The following FHL1 variants were observed in gnomAD, a reference collection of about 807,000 sequenced individuals.
FHL1 encodes the protein four and a half LIM domains 1, also known as four and a half LIM domains protein 1.
FHL1 carries 1 observed loss-of-function variant against 20.3 expected under a neutral mutation model. The observed-to-expected ratio is 0.05, with a 90% CI of 0.02 to 0.23. The LOEUF (loss-of-function observed/expected upper bound fraction) is 0.23. Ranked by LOEUF, FHL1 falls within the 10% of genes least tolerant of loss-of-function variation. The pLI is 1.00. For synonymous variants in FHL1, 82 were observed against 88.9 expected (o/e 0.92, Z 0.44); for missense variants, 177 against 234.0 (o/e 0.76, Z 1.59).
In FHL1 at chrX:136,179,436, T is replaced by C. The variant is rs185470400; in HGVS notation, c.-27+9456T>C. Among the ~76,000 whole-genome samples, 23 of 112,009 alleles carry C rather than the reference T, an allele frequency of 2.1e-4. No homozygotes were observed. The East Asian group carries it at 6.2e-3, about 30-fold the overall frequency. Reference sequence around the variant, plus strand: ...GATCTTGACCTGACTTTTGGTCCTCTCGTGGGTGTTTTCCATTTTCCTTAC... The same window carrying C: ...GATCTTGACCTGACTTTTGGTCCTCCCGTGGGTGTTTTCCATTTTCCTTAC... On this transcript the variant is annotated intron_variant, in intron 2 of 6. Coordinates refer to the FHL1 transcript ENST00000394153.
chrX:136,176,532 CG>C (rs1023817022), intron 2 of FHL1, among the ~76,000 whole-genome samples: 3 of 111,548 alleles, frequency 2.7e-5, no homozygotes, highest in African/African-American at 9.8e-5. Flanking sequence ...TCAAGGGGAA[CG>C]GAGAGCACAT....
intron 1 of FHL1, among the ~76,000 whole-genome samples, chrX:136,199,467 C>T (rs2073646800): frequency 8.9e-6 from 1 of 112,393 alleles, no homozygotes; most frequent in African/African-American, 3.2e-5. Flanking sequence ...ACTTTTCAGC[C>T]GTGACTCATG....
chrX:136,208,927 C>T (rs1295625726), intron 5 of FHL1, among the ~76,000 whole-genome samples: 1 of 5,157 alleles, frequency 1.9e-4, no homozygotes, highest in Admixed American at 2.2e-3. Flanking sequence ...CAGGGGGATT[C>T]TGGGGGGAGG....
chrX:136,164,329 C>T (rs1303916317), intron 1 of FHL1, among the ~76,000 whole-genome samples: 1 of 108,888 alleles, frequency 9.2e-6, no homozygotes, highest in Non-Finnish European at 1.9e-5. Context: ...GTCTCGGCCT[C>T]CCAAGTAGCT....
At chrX:136,183,611 C>T (rs184439456) in intron 2 of FHL1, among the ~76,000 whole-genome samples, 1 of 112,142 alleles carries the variant, frequency 8.9e-6, no homozygotes, top group East Asian at 2.8e-4. Flanking sequence ...AAAAAGTTTT[C>T]GTGTATGAAT....
intron 1 of FHL1, among the ~76,000 whole-genome samples, chrX:136,155,831 A>G (rs1366143976): frequency 1.3e-4 from 14 of 110,823 alleles, no homozygotes; most frequent in African/African-American, 4.6e-4. Flanking sequence ...AAAAACAATC[A>G]AAATAATAAG....
At position 136,183,189 on chromosome X, in the gene FHL1, T is replaced by C. The variant is rs192917005; in HGVS notation, c.-27+13209T>C. Among the ~76,000 whole-genome samples, 19 of 110,510 alleles carry C rather than the reference T, an allele frequency of 1.7e-4. No individual in the cohort carries two copies. In the East Asian group the frequency reaches 4.2e-3, roughly 25 times the overall value. On this transcript the variant is annotated intron_variant, in intron 2 of 6. Transcript: ENST00000394153. ...TGGGGGATGTGGGTGGGAAACCTGG[T>C]GATTAGATATATTTAAACGTGTCAT...
At chrX:136,205,871 G>T (rs1264469800) in intron 1 of FHL1, among the ~76,000 whole-genome samples, 4 of 111,318 alleles carry the variant, frequency 3.6e-5, no homozygotes, top group Non-Finnish European at 7.5e-5. Context: ...AACGTGGTGG[G>T]CTTAGAGAAG....
At chrX:136,148,525 C>G (rs903022151) in intron 1 of FHL1, 3 of 110,487 alleles carry the variant, frequency 2.7e-5, no homozygotes, top group African/African-American at 9.9e-5. Flanking sequence ...TGACCTCTCC[C>G]GCCTCGAAAA....
At chrX:136,159,552 A>G in intron 1 of FHL1, among the ~76,000 whole-genome samples, 1 of 111,638 alleles carries the variant, frequency 9.0e-6, no homozygotes, top group Non-Finnish European at 1.9e-5. Flanking sequence ...AAATAAATAC[A>G]TAAATAAATA....
chrX:136,157,934 T>C (rs1416422821), intron 1 of FHL1, among the ~76,000 whole-genome samples: 1 of 109,539 alleles, frequency 9.1e-6, no homozygotes, highest in East Asian at 2.8e-4. Flanking sequence ...TGTATGTTCT[T>C]CTCAAGTAGT....
Position 136,181,149 on chromosome X carries a change from G to C in FHL1, c.-27+11169G>C, listed in dbSNP as rs1392185044. The stretch of plus-strand genomic sequence containing the variant: ...AAGTCGGGGTAGTATTTCTATGTGG[G>C]AATAAAGACAAAAGGTCCACAGCAG... On this transcript the variant is annotated intron_variant, in intron 2 of 6. Coordinates refer to the FHL1 transcript ENST00000394153. Among the ~76,000 whole-genome samples the C allele has an allele frequency of 2.7e-5, 3 of 112,458 alleles. 1 individual carries two copies. The highest frequency in any genetic ancestry group is 5.6e-5 in the Non-Finnish European group (3 of 53,307).
intron 1 of FHL1, among the ~76,000 whole-genome samples, chrX:136,162,175 C>T (rs765202342): frequency 3.1e-4 from 33 of 106,057 alleles, no homozygotes; most frequent in Middle Eastern, 5.2e-3. Context: ...AAAGAACGCC[C>T]ATTCTAATTG....
At chrX:136,147,468 A>ACGCCTCCCC (rs2072128070), upstream of FHL1, 1 of 87,569 alleles carries the variant, frequency 1.1e-5, no homozygotes, top group African/African-American at 4.5e-5. Context: ...CCCGCCTCCC[A>ACGCCTCCCC]GGCGCGCACC....
chrX:136,180,480 C>T (rs1451369615), intron 2 of FHL1, among the ~76,000 whole-genome samples: 1 of 111,686 alleles, frequency 9.0e-6, no homozygotes, highest in Non-Finnish European at 1.9e-5. Context: ...GTTCATATGA[C>T]CTAAAGGTCA....
intron 1 of FHL1, among the ~76,000 whole-genome samples, chrX:136,157,741 C>G (rs1277986122): frequency 9.0e-6 from 1 of 111,400 alleles, no homozygotes; most frequent in Non-Finnish European, 1.9e-5. Flanking sequence ...ATATTTATGT[C>G]CAAAATGCAA....
intron 1 of FHL1, among the ~76,000 whole-genome samples, chrX:136,164,268 G>A (rs1265143663): frequency 9.4e-6 from 1 of 106,947 alleles, no homozygotes; most frequent in Non-Finnish European, 1.9e-5. Flanking sequence ...GTACAGTGGT[G>A]CAATCTCGGC....
intron 2 of FHL1, among the ~76,000 whole-genome samples, chrX:136,191,909 AG>A (rs753751686): frequency 2.9e-4 from 33 of 112,102 alleles, no homozygotes; most frequent in Non-Finnish European, 5.8e-4. Flanking sequence ...TGTTCATAAA[AG>A]GTGGGCTTGG....
In FHL1 at chrX:136,177,013, T is replaced by TACACACACACACACACACACACAC. The variant is rs10527786; in HGVS notation, c.-27+7043_-27+7066dup. Among the ~76,000 whole-genome samples the TACACACACACACACACACACACAC allele has an allele frequency of 2.3e-3, 203 of 88,672 alleles. 1 individual carries two copies. Among genetic ancestry groups the TACACACACACACACACACACACAC allele is most frequent in the Admixed American group, 3.4e-3 (25 of 7,356 alleles). 77.0% of individuals were successfully genotyped at this position (88,672 alleles called of 115,157 possible). ...AGAAAGCTAAGAAGTCATGTAGAAA[T>TACACACACACACACACACACACAC]ACACACACACACACACACACACACA... On this transcript the variant is annotated intron_variant, in intron 2 of 6. Transcript: ENST00000394153.
Sources: allele counts gnomAD v4.1 joint callset (sites outside exome capture counted in the v4.1 genomes callset), GRCh38; gene constraint gnomAD v4.1.1; transcripts MANE v1.5; gene names NCBI Gene and HGNC (gene_info 2026-07-23, HGNC 2026-07-21).